Variants in RNF214 observed in about 807,000 individuals in gnomAD.
The protein encoded by RNF214 is ring finger protein 214.
A neutral mutation model predicts 75.9 loss-of-function variants in RNF214; 25 were observed. The ratio of observed to expected loss-of-function variants is 0.33; its 90% CI spans 0.24 to 0.46. RNF214 has a LOEUF of 0.46. RNF214 is among the 20% of genes least tolerant of loss of function. The pLI, the probability that RNF214 is intolerant of heterozygous loss-of-function variation, is 1.00. For missense variants in RNF214, 725 were observed against 857.5 expected (o/e 0.85, Z 1.93); for synonymous variants, 314 against 308.8 (o/e 1.02, Z -0.18).
chr11:117,234,658 T>C (rs890935376), intron 2 of RNF214, among the ~76,000 whole-genome samples: 1 of 152,262 alleles, frequency 6.6e-6, no homozygotes, highest in African/African-American at 2.4e-5. Flanking sequence ...GGACTGTATG[T>C]TCATTTAACC....
In RNF214 at chr11:117,250,822, G is replaced by A. The variant is rs1479427601; in HGVS notation, c.959+3874G>A. On this transcript the variant is annotated intron_variant, in intron 6 of 14. Transcript: ENST00000300650. ...TTAGGGAGTGGTGATGACTCTTAAC[G>A]AGCATGCTGCCTTCAAGCATCTGTT... is the stretch of plus-strand genomic sequence containing the variant. Among the ~76,000 whole-genome samples, 8 of 146,710 alleles carry A rather than the reference G, an allele frequency of 5.5e-5. No individual in the cohort carries two copies. In the East Asian group the frequency reaches 1.2e-3, roughly 22 times the overall value.
chr11:117,242,510 T>A (rs546345997), intron 4 of RNF214, among the ~76,000 whole-genome samples: 2 of 151,974 alleles, frequency 1.3e-5, no homozygotes, highest in Non-Finnish European at 2.9e-5. Context: ...CAGGGTTGAG[T>A]TTTGTTTGGC....
chr11:117,265,346 A>G (rs376089543), intron 6 of RNF214, among the ~76,000 whole-genome samples: 2 of 152,198 alleles, frequency 1.3e-5, no homozygotes, highest in East Asian at 1.9e-4. Flanking sequence ...ATTTTCTTGG[A>G]TAAAGTATCT....
intron 6 of RNF214, among the ~76,000 whole-genome samples, chr11:117,269,081 T>A (rs1263631687): frequency 6.6e-6 from 1 of 152,082 alleles, no homozygotes; most frequent in African/African-American, 2.4e-5. Context: ...AGATGAAGGT[T>A]ATAAGAGTAA....
intron 1 of RNF214, 84 bp downstream of exon 1, chr11:117,232,810 G>A: frequency 6.6e-6 from 1 of 151,260 alleles, no homozygotes. Context: ...GGGGTTGCGG[G>A]GCGAGGGCCG....
intron 6 of RNF214, among the ~76,000 whole-genome samples, chr11:117,259,941 G>T (rs2033617682): frequency 6.6e-6 from 1 of 151,972 alleles, no homozygotes; most frequent in Non-Finnish European, 1.5e-5. Context: ...TTCTTTTATA[G>T]TTAGTGCTTT....
chr11:117,236,012 G>A (rs928601118), intron 2 of RNF214, among the ~76,000 whole-genome samples: 1 of 151,986 alleles, frequency 6.6e-6, no homozygotes, highest in African/African-American at 2.4e-5. Flanking sequence ...CCAGACTGGA[G>A]TGCAGTGGTG....
intron 6 of RNF214, among the ~76,000 whole-genome samples, chr11:117,268,003 G>T (rs910707786): frequency 6.6e-6 from 1 of 152,174 alleles, no homozygotes; most frequent in Non-Finnish European, 1.5e-5. Context: ...ATATTGCAAA[G>T]ACTGATAGAA....
At chr11:117,252,898 A>C (rs1213798689) in intron 6 of RNF214, among the ~76,000 whole-genome samples, 4 of 152,154 alleles carry the variant, frequency 2.6e-5, no homozygotes, top group African/African-American at 9.7e-5. Flanking sequence ...CTATCACTGG[A>C]TTGGAAATTA....
At chr11:117,274,316 G>A (rs570772287) in intron 6 of RNF214, among the ~76,000 whole-genome samples, 33 of 150,390 alleles carry the variant, frequency 2.2e-4, no homozygotes, top group Non-Finnish European at 4.6e-4. Context: ...ATGAAGGGGA[G>A]AGAGGAGAAA....
chr11:117,277,041 C>CT (rs2034028501), intron 6 of RNF214, among the ~76,000 whole-genome samples: 1 of 152,160 alleles, frequency 6.6e-6, no homozygotes, highest in African/African-American at 2.4e-5. Flanking sequence ...CCTATAAAAT[C>CT]TTTGTCTAAA....
rs117682598 is a variant in RNF214 at position 117,281,681 on chromosome 11, C to T, written c.1318C>T (p.Pro440Ser). Residue 440 changes from proline to serine, a missense_variant, in exon 10 of 15, where the codon CCT becomes TCT. Physicochemically the swap from Pro to Ser is moderately conservative, Grantham distance 74 (BLOSUM62 -1). Transcript: ENST00000300650. ...TCCTCAAATCCCTACTCCCACTTTA[C>T]CTCCACCCCCATCAGAGGTAAGAGA... ...SLPQIPTPTL[P>S]PPPSETDFML... 6.2e-7 allele frequency: 1 copy of T among 1,613,048 alleles called. No homozygotes were observed. The highest frequency in any genetic ancestry group is 8.5e-7 in the Non-Finnish European group (1 of 1,179,134).
At chr11:117,235,288 C>G (rs1429537064) in intron 2 of RNF214, among the ~76,000 whole-genome samples, 5 of 151,988 alleles carry the variant, frequency 3.3e-5, no homozygotes, top group Non-Finnish European at 5.9e-5. Context: ...GCTCTGCCTC[C>G]CGGGTTTATG....
intron 6 of RNF214, among the ~76,000 whole-genome samples, chr11:117,256,808 G>C (rs746394786): frequency 2.0e-5 from 3 of 152,150 alleles, no homozygotes; most frequent in Non-Finnish European, 4.4e-5. Context: ...TAGGAGGCTT[G>C]GTTCATTGGG....
chr11:117,247,185 A>G (rs533863052), intron 6 of RNF214, among the ~76,000 whole-genome samples: 1 of 152,280 alleles, frequency 6.6e-6, no homozygotes, highest in South Asian at 2.1e-4. Flanking sequence ...TTGAGTCCCA[A>G]GTGTGGTCAA....
At chr11:117,262,044 C>T (rs903619848) in intron 6 of RNF214, among the ~76,000 whole-genome samples, 3 of 147,882 alleles carry the variant, frequency 2.0e-5, no homozygotes, top group Non-Finnish European at 4.5e-5. Flanking sequence ...AAATTTGTGT[C>T]TGTTTTTTTT....
chr11:117,267,519 T>C (rs2033820802), intron 6 of RNF214, among the ~76,000 whole-genome samples: 1 of 151,552 alleles, frequency 6.6e-6, no homozygotes, highest in Non-Finnish European at 1.5e-5. Flanking sequence ...GGAGACCAGT[T>C]TGGGCAACAT....
chr11:117,250,282 T>G (rs1056136), intron 6 of RNF214, among the ~76,000 whole-genome samples: 35,654 of 152,096 alleles, frequency 0.23, 4,627 homozygotes, highest in African/African-American at 0.35. Context: ...GATCCTGAAT[T>G]AAACAAAGTA....
At chr11:117,263,865 A>T (rs1264508153) in intron 6 of RNF214, 5 of 292,402 alleles carry the variant, frequency 1.7e-5, no homozygotes, top group South Asian at 6.0e-5. Context: ...AGTTCTAACA[A>T]GGTAGTCTGG....
Sources: gnomAD v4.1 joint callset for allele counts (sites outside exome capture counted in the v4.1 genomes callset) on GRCh38, gnomAD v4.1.1 for gene constraint, MANE v1.5 for transcripts, NCBI Gene and HGNC (gene_info 2026-07-23, HGNC 2026-07-21) for gene names.